The following COL21A1 variants were observed in gnomAD, a reference collection of about 807,000 sequenced individuals.
The protein encoded by COL21A1 is collagen alpha-1(XXI) chain.
In COL21A1, 149 loss-of-function variants were observed where a neutral mutation model predicts 137.9. That is an observed-to-expected ratio of 1.08 (90% CI 0.95 to 1.24). The LOEUF (loss-of-function observed/expected upper bound fraction) is 1.24, where lower values mean the gene tolerates loss of function less well. Among genes scored for constraint, COL21A1 ranks in the 50% most tolerant of loss-of-function variants. COL21A1 has a pLI of 0.00. For missense variants in COL21A1, 1,167 were observed against 1,158.4 expected (o/e 1.01, Z -0.11); for synonymous variants, 456 against 391.5 (o/e 1.16, Z -1.95).
At chr6:56,151,338 C>T (rs1409106513) in intron 10 of COL21A1, among the ~76,000 whole-genome samples, 1 of 152,186 alleles carries the variant, frequency 6.6e-6, no homozygotes, top group Non-Finnish European at 1.5e-5. Context: ...GCTATTTCCA[C>T]ATATGGCCTT....
intron 17 of COL21A1, among the ~76,000 whole-genome samples, chr6:56,099,719 T>G (rs1770275112): frequency 6.6e-6 from 1 of 151,858 alleles, no homozygotes; most frequent in Non-Finnish European, 1.5e-5. Flanking sequence ...TCTGAAACAA[T>G]AACATAAACA....
At chr6:56,391,177 C>T (rs1256714547) in intron 1 of COL21A1, among the ~76,000 whole-genome samples, 1 of 152,068 alleles carries the variant, frequency 6.6e-6, no homozygotes, top group Non-Finnish European at 1.5e-5. Context: ...ATTTTGGAAA[C>T]TATACCAACA....
chr6:56,128,907 G>A lies in COL21A1; in HGVS notation c.1543-2758C>T, dbSNP rs150533350. On this transcript the variant is annotated intron_variant, in intron 12 of 29. Transcript: ENST00000244728. Reference sequence around the variant, plus strand: ...TGACCTCAGGTGATCTACCTGCCTCGGCCTCCCAAAGTGCTAGGATTACAG... The same window carrying A: ...TGACCTCAGGTGATCTACCTGCCTCAGCCTCCCAAAGTGCTAGGATTACAG... Among the ~76,000 whole-genome samples the A allele has an allele frequency of 6.2e-3, 941 of 152,072 alleles. 6 individuals are homozygous for A. The highest frequency in any genetic ancestry group is 0.021 in the African/African-American group (891 of 41,488).
intron 1 of COL21A1, among the ~76,000 whole-genome samples, chr6:56,207,079 A>C (rs1350153981): frequency 6.6e-6 from 1 of 152,144 alleles, no homozygotes; most frequent in Non-Finnish European, 1.5e-5. Context: ...TGCCCACAAG[A>C]GGAAGCAGAA....
At chr6:56,334,093 A>T (rs1287222691) in intron 1 of COL21A1, among the ~76,000 whole-genome samples, 1 of 151,662 alleles carries the variant, frequency 6.6e-6, no homozygotes, top group Non-Finnish European at 1.5e-5. Context: ...GAGGGAATAG[A>T]TAAAAAGTCA....
chr6:56,370,752 C>G (rs968925406), intron 1 of COL21A1, among the ~76,000 whole-genome samples: 3 of 152,122 alleles, frequency 2.0e-5, no homozygotes, highest in African/African-American at 7.2e-5. Context: ...CATCACAGCC[C>G]AAACAATTGC....
At chr6:56,191,810 C>A (rs929730146) in intron 1 of COL21A1, among the ~76,000 whole-genome samples, 10 of 151,192 alleles carry the variant, frequency 6.6e-5, no homozygotes, top group African/African-American at 2.4e-4. Context: ...AAAATGGCCA[C>A]ACTGCCCATT....
chr6:56,385,884 T>A (rs896999360), intron 1 of COL21A1, among the ~76,000 whole-genome samples: 1 of 152,090 alleles, frequency 6.6e-6, no homozygotes. Context: ...TGTTGCAGCA[T>A]GTGTCAGTAC....
intron 16 of COL21A1, among the ~76,000 whole-genome samples, chr6:56,101,813 A>G (rs1770485833): frequency 6.6e-6 from 1 of 152,138 alleles, no homozygotes; most frequent in South Asian, 2.1e-4. Context: ...TCTTACTTCC[A>G]AGGTAAATGT....
intron 1 of COL21A1, among the ~76,000 whole-genome samples, chr6:56,256,781 G>A (rs1328377456): frequency 6.6e-6 from 1 of 152,018 alleles, no homozygotes; most frequent in Non-Finnish European, 1.5e-5. Context: ...AGTCCCACAT[G>A]TGAGTGAAAC....
At chr6:56,111,196 A>G (rs911612533) in intron 16 of COL21A1, among the ~76,000 whole-genome samples, 1 of 151,996 alleles carries the variant, frequency 6.6e-6, no homozygotes, top group East Asian at 1.9e-4. Flanking sequence ...TGAGGAAAGC[A>G]TGAAACAAAC....
At chr6:56,326,275 T>C (rs1018194607) in intron 1 of COL21A1, among the ~76,000 whole-genome samples, 3 of 151,280 alleles carry the variant, frequency 2.0e-5, no homozygotes, top group African/African-American at 7.3e-5. Context: ...AAGTAATCAA[T>C]GGAGGTTATT....
intron 1 of COL21A1, among the ~76,000 whole-genome samples, chr6:56,184,287 G>C (rs1209577011): frequency 1.3e-5 from 2 of 152,086 alleles, no homozygotes; most frequent in Admixed American, 6.5e-5. Context: ...AGTGGCCAGA[G>C]GAAAAGTGAT....
At chr6:56,357,315 G>T (rs1581770095) in intron 1 of COL21A1, among the ~76,000 whole-genome samples, 2 of 152,170 alleles carry the variant, frequency 1.3e-5, no homozygotes, top group East Asian at 3.8e-4. Flanking sequence ...CAAAATGGAA[G>T]TGTATCTTAC....
intron 17 of COL21A1, among the ~76,000 whole-genome samples, chr6:56,087,020 A>G (rs1197622224): frequency 6.6e-6 from 1 of 151,608 alleles, no homozygotes; most frequent in Non-Finnish European, 1.5e-5. Context: ...TACCTCTTGA[A>G]TCTCTCCACG....
chr6:56,269,984 A>G (rs1254635338), intron 1 of COL21A1, among the ~76,000 whole-genome samples: 2 of 152,240 alleles, frequency 1.3e-5, no homozygotes, highest in Non-Finnish European at 2.9e-5. Flanking sequence ...AGCACACTTA[A>G]ATGCATAGCC....
chr6:56,086,541 A>G (rs551114284), intron 17 of COL21A1, among the ~76,000 whole-genome samples: 20 of 152,274 alleles, frequency 1.3e-4, no homozygotes, highest in African/African-American at 4.8e-4. Context: ...CATTAAGTGG[A>G]AGTGGATCAT....
At chr6:56,248,802 T>C (rs1782772224), upstream of COL21A1, among the ~76,000 whole-genome samples, 1 of 152,114 alleles carries the variant, frequency 6.6e-6, no homozygotes, top group Non-Finnish European at 1.5e-5. Flanking sequence ...GATTCTACTG[T>C]TACAAAAATA....
At chr6:56,386,272 A>C (rs1330995755) in intron 1 of COL21A1, among the ~76,000 whole-genome samples, 2 of 152,148 alleles carry the variant, frequency 1.3e-5, no homozygotes, top group African/African-American at 4.8e-5. Context: ...TGGCTGAATA[A>C]TACCCCATTG....
Sources: allele counts gnomAD v4.1 joint callset (sites outside exome capture counted in the v4.1 genomes callset), GRCh38; gene constraint gnomAD v4.1.1; transcripts MANE v1.5; gene names NCBI Gene and HGNC (gene_info 2026-07-23, HGNC 2026-07-21).